Variants in PRKCQ observed in about 807,000 individuals in gnomAD.
PRKCQ encodes protein kinase C theta.
PRKCQ carries 41 observed loss-of-function variants against 91.2 expected under a neutral mutation model. That is an observed-to-expected ratio of 0.45 (90% CI 0.35 to 0.58). The LOEUF (loss-of-function observed/expected upper bound fraction) is 0.58. PRKCQ is among the 20% of genes least tolerant of loss of function. The pLI, the probability that PRKCQ is intolerant of heterozygous loss-of-function variation, is 0.00. For synonymous variants in PRKCQ, 307 were observed against 316.9 expected, an observed-to-expected ratio of 0.97 and a Z score of 0.33; for missense variants, 673 against 896.5, an observed-to-expected ratio of 0.75 and a Z score of 3.18.
intron 1 of PRKCQ, among the ~76,000 whole-genome samples, chr10:6,530,011 T>C (rs1588389125): frequency 1.3e-5 from 2 of 152,314 alleles, no homozygotes; most frequent in South Asian, 4.1e-4. Flanking sequence ...GCCAAGGGGA[T>C]GAAGTGACAC....
intron 15 of PRKCQ, among the ~76,000 whole-genome samples, chr10:6,448,811 C>A (rs946293667): frequency 2.0e-5 from 3 of 151,948 alleles, no homozygotes; most frequent in Non-Finnish European, 4.4e-5. Flanking sequence ...CTGCTGATAC[C>A]CAGGCAAACA....
intron 7 of PRKCQ, among the ~76,000 whole-genome samples, chr10:6,492,717 T>C (rs1837389031): frequency 6.6e-6 from 1 of 152,232 alleles, no homozygotes; most frequent in Non-Finnish European, 1.5e-5. Context: ...ATCAAACTTA[T>C]TGCAGGAACA....
chr10:6,485,216 A>T lies in PRKCQ; in HGVS notation c.954T>A (p.Ile318=), dbSNP rs752874532. The change falls in exon 10 of 18, where the codon ATT becomes ATA. Residue 318 remains isoleucine (I), a synonymous_variant. Coordinates refer to ENST00000263125, the MANE Select transcript of PRKCQ (RefSeq NM_006257.5). ...EQIFREGPVE[I]GLPCSIKNEA... Reference sequence around the variant, plus strand: ...CATTTTTGATGGAGCATGGGAGACCAATTTCAACCGGACCTTCTCTGAAGA... The same window carrying T: ...CATTTTTGATGGAGCATGGGAGACCTATTTCAACCGGACCTTCTCTGAAGA... 4 of 1,614,124 alleles carry T rather than the reference A, an allele frequency of 2.5e-6. No individual in the cohort carries two copies. Among genetic ancestry groups the T allele is most frequent in the East Asian group, 4.5e-5 (2 of 44,872 alleles).
In PRKCQ at chr10:6,442,175, C is replaced by T. The variant is rs45597734; in HGVS notation, c.1648-94G>A. 9.6e-3 allele frequency: 11,915 copies of T among 1,240,294 alleles called. 342 individuals are homozygous for T. The highest frequency in any genetic ancestry group is 0.082 in the African/African-American group (5,491 of 66,586). 76.8% of individuals were successfully genotyped at this position (1,240,294 alleles called of 1,614,324 possible). Reference sequence around the variant, plus strand: ...GTCTCAAGGCCACTCAGTAAATGGTCGAGGATGATGGTGTGCAAGAAAGAT... The same window carrying T: ...GTCTCAAGGCCACTCAGTAAATGGTTGAGGATGATGGTGTGCAAGAAAGAT... On this transcript the variant is annotated intron_variant, in intron 15 of 17. Transcript: ENST00000263125.
intron 10 of PRKCQ, among the ~76,000 whole-genome samples, 200 bp from the exon 11 acceptor site, chr10:6,483,800 G>GC (rs1198613451): frequency 3.3e-5 from 5 of 152,204 alleles, no homozygotes; most frequent in African/African-American, 1.2e-4. Flanking sequence ...CTGTCTGTGA[G>GC]CCTGGCATTT....
intron 15 of PRKCQ, among the ~76,000 whole-genome samples, chr10:6,455,213 TC>T (rs1479883539): frequency 6.6e-6 from 1 of 152,222 alleles, no homozygotes; most frequent in East Asian, 1.9e-4. Context: ...TAAGTCCCCA[TC>T]ACTCGTGCTT....
chr10:6,418,858 TGTCA>T, the PRKCQ span, among the ~76,000 whole-genome samples: 1 of 151,710 alleles, frequency 6.6e-6, no homozygotes, highest in East Asian at 1.9e-4. Context: ...CTATCTATTC[TGTCA>T]ATCATCTGTC....
intron 1 of PRKCQ, among the ~76,000 whole-genome samples, chr10:6,567,459 C>T (rs1372659709): frequency 1.3e-5 from 2 of 152,190 alleles, no homozygotes; most frequent in Non-Finnish European, 2.9e-5. Context: ...CACAGTAAGA[C>T]GCGTCACCCG....
At chr10:6,401,179 C>A in the PRKCQ span, among the ~76,000 whole-genome samples, 2,505 of 152,258 alleles carry the variant, frequency 0.016, 80 homozygotes, top group African/African-American at 0.057. Context: ...TGGAATGGAG[C>A]AAGCCACCCT....
At chr10:6,531,483 AC>A (rs931452344) in intron 1 of PRKCQ, among the ~76,000 whole-genome samples, 4 of 150,188 alleles carry the variant, frequency 2.7e-5, no homozygotes, top group Admixed American at 6.7e-5. Flanking sequence ...TCCCCCAAGC[AC>A]CCCCCCAAAA....
At chr10:6,494,590 C>G (rs6602745) in intron 7 of PRKCQ, among the ~76,000 whole-genome samples, 1 of 152,108 alleles carries the variant, frequency 6.6e-6, no homozygotes, top group African/African-American at 2.4e-5. Context: ...CAGAACACAA[C>G]CCACCTCTTC....
intron 12 of PRKCQ, among the ~76,000 whole-genome samples, chr10:6,478,203 G>A (rs920183977): frequency 2.6e-5 from 4 of 152,204 alleles, no homozygotes; most frequent in African/African-American, 7.2e-5. Flanking sequence ...AGAGTACAGT[G>A]CAGTAGGTAT....
chr10:6,487,960 G>A (rs947268469), intron 8 of PRKCQ, among the ~76,000 whole-genome samples: 5 of 147,992 alleles, frequency 3.4e-5, no homozygotes, highest in East Asian at 2.0e-4. Context: ...AGCTGAGATC[G>A]TGCCACTGTA....
At chr10:6,570,069 T>A (rs958992185) in intron 1 of PRKCQ, among the ~76,000 whole-genome samples, 1 of 146,708 alleles carries the variant, frequency 6.8e-6, no homozygotes, top group African/African-American at 2.5e-5. Context: ...GAAGGAAACA[T>A]GGGCAGGGGG....
intron 9 of PRKCQ, 80 bp from the exon 10 acceptor site, chr10:6,485,349 AG>A (rs1836847426): frequency 3.6e-6 from 4 of 1,098,684 alleles, no homozygotes; most frequent in Non-Finnish European, 2.8e-6. Context: ...ATGGGGACAA[AG>A]GCCATTTAAA....
chr10:6,483,889 T>C (rs1200361025), intron 10 of PRKCQ, among the ~76,000 whole-genome samples: 1 of 152,174 alleles, frequency 6.6e-6, no homozygotes, highest in Non-Finnish European at 1.5e-5. Flanking sequence ...TTCCAATCAG[T>C]AAAAGACCAT....
chr10:6,538,118 C>A (rs949555179), intron 1 of PRKCQ, among the ~76,000 whole-genome samples: 6 of 152,240 alleles, frequency 3.9e-5, no homozygotes, highest in Admixed American at 6.5e-5. Flanking sequence ...TCTGTTCCAG[C>A]TGAAACACCC....
At chr10:6,482,408 C>T (rs2130775624) in intron 11 of PRKCQ, among the ~76,000 whole-genome samples, 1 of 152,206 alleles carries the variant, frequency 6.6e-6, no homozygotes, top group Admixed American at 6.5e-5. Context: ...CCAGCCTGGG[C>T]AACACAGTGA....
In PRKCQ at chr10:6,497,342, C is replaced by T. The variant is rs1837676932; in HGVS notation, c.543-91G>A. The T allele has an allele frequency of 2.8e-6, 4 of 1,448,266 alleles. No homozygotes were observed. The Admixed American group carries it at 6.7e-5, about 24-fold the overall frequency. The allele number at this position is 1,448,266 out of a possible 1,614,324, so 89.7% of individuals were successfully genotyped here. ...GAGATGGATGAGATCTCATAACCCC[C>T]TAAGATCACAGAGCAGTTTCTGATC... is the stretch of plus-strand genomic sequence containing the variant. On this transcript the variant is annotated intron_variant, in intron 5 of 17. Transcript: ENST00000263125. The surrounding 1 kb of genome is among the most constrained non-coding windows in gnomAD (Gnocchi z 4.5).
Sources: allele counts gnomAD v4.1 joint callset (sites outside exome capture counted in the v4.1 genomes callset), GRCh38; gene constraint gnomAD v4.1.1; non-coding constraint Gnocchi (gnomAD v3.1); transcripts MANE v1.5; gene names NCBI Gene and HGNC (gene_info 2026-07-23, HGNC 2026-07-21).